Variants in PAX2 observed in about 807,000 individuals in gnomAD.
The protein encoded by PAX2 is paired box protein Pax-2.
Under a neutral mutation model 41.7 loss-of-function variants are expected in PAX2, and 9 were observed. The observed-to-expected ratio is 0.22, with a 90% CI of 0.13 to 0.38. PAX2 has a LOEUF of 0.38. Among genes scored for constraint, PAX2 ranks in the 10% least tolerant of loss-of-function variants. The probability of loss-of-function intolerance (pLI) is 1.00; values close to 1 mark genes in which losing one functional copy is unlikely to be tolerated. For missense variants in PAX2, 418 were observed against 531.6 expected, an observed-to-expected ratio of 0.79 and a Z score of 2.10; for synonymous variants, 221 against 212.7, an observed-to-expected ratio of 1.04 and a Z score of -0.34.
intron 7 of PAX2, among the ~76,000 whole-genome samples, chr10:100,822,918 A>G (rs1471460041): frequency 6.6e-6 from 1 of 152,202 alleles, no homozygotes; most frequent in African/African-American, 2.4e-5. Context: ...TAGTTTTTAC[A>G]AGGGAAGTGG....
At chr10:100,753,223 C>T (rs34556107) in intron 3 of PAX2, among the ~76,000 whole-genome samples, 23,742 of 152,200 alleles carry the variant, frequency 0.16, 2,366 homozygotes, top group Middle Eastern at 0.32. Context: ...AAAACTATTC[C>T]CAATTTTGCT....
At chr10:100,777,535 C>G (rs1846441934) in intron 3 of PAX2, among the ~76,000 whole-genome samples, 1 of 151,842 alleles carries the variant, frequency 6.6e-6, no homozygotes, top group Non-Finnish European at 1.5e-5. Context: ...GCTAAGATTA[C>G]AGGTATCTGC....
At chr10:100,819,840 G>A (rs1848322008) in intron 7 of PAX2, among the ~76,000 whole-genome samples, 1 of 152,144 alleles carries the variant, frequency 6.6e-6, no homozygotes. Flanking sequence ...TACTTGTAAG[G>A]GGAGCTGCAC....
At chr10:100,784,102 C>G (rs370807940) in intron 5 of PAX2, among the ~76,000 whole-genome samples, 1 of 152,174 alleles carries the variant, frequency 6.6e-6, no homozygotes, top group African/African-American at 2.4e-5. Context: ...CCCTTTCCCC[C>G]ACTCTGGATG....
intron 3 of PAX2, among the ~76,000 whole-genome samples, chr10:100,754,398 T>C (rs1400077678): frequency 6.6e-6 from 1 of 152,212 alleles, no homozygotes; most frequent in East Asian, 1.9e-4. Context: ...TAACACTCTT[T>C]GGAGTCAGGG....
At chr10:100,816,797 TC>T (rs1848200297) in intron 7 of PAX2, among the ~76,000 whole-genome samples, 1 of 152,118 alleles carries the variant, frequency 6.6e-6, no homozygotes, top group Non-Finnish European at 1.5e-5. Flanking sequence ...AATCCTCCCC[TC>T]TTCTCCCCAG....
At chr10:100,778,748 G>C (rs1021345412) in intron 3 of PAX2, among the ~76,000 whole-genome samples, 1 of 152,200 alleles carries the variant, frequency 6.6e-6, no homozygotes, top group Non-Finnish European at 1.5e-5. Context: ...GGATGTACAG[G>C]GAGGGCACCA....
At chr10:100,780,117 G>C (rs1037174280) in intron 4 of PAX2, among the ~76,000 whole-genome samples, 3 of 151,872 alleles carry the variant, frequency 2.0e-5, no homozygotes, top group Middle Eastern at 3.2e-3. Flanking sequence ...CTCTGGCTCT[G>C]TTCTGTCTTC....
rs1304146765 is a variant in PAX2 at position 100,779,484 on chromosome 10, T to A, written c.411-14T>A. 1 of 1,576,102 alleles carries A rather than the reference T, an allele frequency of 6.3e-7. No homozygotes were observed. Among genetic ancestry groups the A allele is most frequent in the Non-Finnish European group, 8.6e-7 (1 of 1,159,494 alleles). ...GGGCATTTGATGTGTGATGCTGTTG[T>A]GACGCTGTTGCAGAATCATCCGGAC... On this transcript the variant is annotated splice_polypyrimidine_tract_variant and intron_variant, in intron 3 of 9. Coordinates refer to ENST00000355243, the MANE Select transcript of PAX2 (RefSeq NM_000278.5).
intron 1 of PAX2, among the ~76,000 whole-genome samples, chr10:100,737,712 A>G (rs914770608): frequency 1.3e-5 from 2 of 152,114 alleles, no homozygotes; most frequent in Admixed American, 1.3e-4. Flanking sequence ...TTCGGTAGCC[A>G]CGTTTGGCCG....
At chr10:100,804,770 T>G (rs1847699531) in intron 5 of PAX2, among the ~76,000 whole-genome samples, 1 of 152,150 alleles carries the variant, frequency 6.6e-6, no homozygotes, top group Non-Finnish European at 1.5e-5. Flanking sequence ...GAAAAATAAA[T>G]TTACCACACT....
chr10:100,779,089 C>T (rs1846504065), intron 3 of PAX2, among the ~76,000 whole-genome samples: 1 of 152,168 alleles, frequency 6.6e-6, no homozygotes, highest in Non-Finnish European at 1.5e-5. Context: ...GATCTCAAAA[C>T]CCAGGAGGTC....
At chr10:100,820,050 TA>T (rs1156530315) in intron 7 of PAX2, among the ~76,000 whole-genome samples, 1 of 152,246 alleles carries the variant, frequency 6.6e-6, no homozygotes, top group Non-Finnish European at 1.5e-5. Flanking sequence ...GATTCTCCAC[TA>T]CCACTGTTTC....
At chr10:100,774,264 AG>A (rs993008622) in intron 3 of PAX2, among the ~76,000 whole-genome samples, 2 of 152,166 alleles carry the variant, frequency 1.3e-5, no homozygotes, top group Non-Finnish European at 2.9e-5. Flanking sequence ...CAAGTTGGTG[AG>A]AGGTGGGGGT....
chr10:100,764,052 A>C (rs1845927098), intron 3 of PAX2, among the ~76,000 whole-genome samples: 1 of 152,076 alleles, frequency 6.6e-6, no homozygotes, highest in South Asian at 2.1e-4. Context: ...TTATTATTGC[A>C]GTAGTAATAA....
chr10:100,761,321 C>G (rs1471635750), intron 3 of PAX2, among the ~76,000 whole-genome samples: 2 of 152,112 alleles, frequency 1.3e-5, no homozygotes, highest in Non-Finnish European at 2.9e-5. Context: ...CTCACCTGCG[C>G]TCTCGACCCT....
intron 3 of PAX2, 127 bp from the exon 4 acceptor site, chr10:100,779,371 A>C: frequency 1.2e-6 from 1 of 818,650 alleles, no homozygotes; most frequent in South Asian, 1.4e-5. Context: ...GGGCAGGGAC[A>C]CAGGGAGCAG....
Position 100,827,340 on chromosome 10 carries a change from G to A in PAX2, c.1109-203G>A, listed in dbSNP as rs1316593789. Among the ~76,000 whole-genome samples the A allele has an allele frequency of 1.3e-5, 2 of 152,232 alleles. No homozygotes were observed. The highest frequency in any genetic ancestry group is 1.5e-5 in the Non-Finnish European group (1 of 68,042). ...GGATCCCCTGGAGGGTGCGCAGCCG[G>A]GCGTCACCAGATCGGGTCCCTCTCA... is the stretch of plus-strand genomic sequence containing the variant. On this transcript the variant is annotated intron_variant, in intron 9 of 9. Transcript: ENST00000355243. The surrounding 1 kb of genome is among the most constrained non-coding windows in gnomAD (Gnocchi z 8.5).
intron 3 of PAX2, among the ~76,000 whole-genome samples, chr10:100,769,895 C>T (rs547370251): frequency 1.6e-4 from 25 of 152,164 alleles, no homozygotes; most frequent in Non-Finnish European, 3.5e-4. Context: ...AAGGTTTCAG[C>T]TCTGTGTTAG....
Sources: allele counts gnomAD v4.1 joint callset (sites outside exome capture counted in the v4.1 genomes callset), GRCh38; gene constraint gnomAD v4.1.1; non-coding constraint Gnocchi (gnomAD v3.1); transcripts MANE v1.5; gene names NCBI Gene and HGNC (gene_info 2026-07-23, HGNC 2026-07-21).